The following NRG2 variants were observed in gnomAD, a reference collection of about 807,000 sequenced individuals.
NRG2 encodes pro-neuregulin-2, membrane-bound isoform.
NRG2 carries 27 observed loss-of-function variants against 73.9 expected under a neutral mutation model. That is an observed-to-expected ratio of 0.37 (90% CI 0.27 to 0.50). NRG2 has a LOEUF of 0.50. Among genes scored for constraint, NRG2 ranks in the 20% least tolerant of loss-of-function variants. The pLI is 0.96. For synonymous variants in NRG2, 532 were observed against 541.0 expected (o/e 0.98, Z 0.23); for missense variants, 1,126 against 1,210.1 (o/e 0.93, Z 1.03).
chr5:140,007,539 A>G (rs1759005781), intron 1 of NRG2, among the ~76,000 whole-genome samples: 1 of 152,104 alleles, frequency 6.6e-6, no homozygotes, highest in Non-Finnish European at 1.5e-5. Context: ...AGGCAACACC[A>G]GCTGGACTCA....
intron 1 of NRG2, among the ~76,000 whole-genome samples, chr5:139,890,473 CTTTTT>C (rs11288649): frequency 1.1e-4 from 12 of 106,034 alleles, no homozygotes; most frequent in African/African-American, 2.1e-4. Context: ...TTCTTTCTTT[CTTTTT>C]TTTTTTTTTT....
chr5:140,012,605 G>A (rs1410491744), intron 1 of NRG2, among the ~76,000 whole-genome samples: 1 of 152,030 alleles, frequency 6.6e-6, no homozygotes, highest in Non-Finnish European at 1.5e-5. Flanking sequence ...ACCCTTCCAT[G>A]ATATCAAATG....
At chr5:139,947,817 C>T (rs958939101) in intron 1 of NRG2, among the ~76,000 whole-genome samples, 1 of 152,180 alleles carries the variant, frequency 6.6e-6, no homozygotes, top group African/African-American at 2.4e-5. Context: ...GTTGAACATA[C>T]TTTCACATGC....
In NRG2 at chr5:139,855,728, C is replaced by T. The variant is rs1191460380; in HGVS notation, c.1240G>A (p.Val414Met). 1.5e-5 allele frequency: 24 copies of T among 1,614,138 alleles called. No homozygotes were observed. Among genetic ancestry groups the T allele is most frequent in the South Asian group, 2.2e-5 (2 of 91,082 alleles). Residue 414 changes from valine (V) to methionine (M), a missense_variant, in exon 6 of 10, where the codon GTG (valine) becomes ATG (methionine). Physicochemically the swap from Val to Met is conservative, Grantham distance 21. This residue lies in a region of NRG2 where 539 missense variants were observed against 703.2 expected (regional missense o/e 0.77). Transcript: ENST00000361474. ...KRVLTITGIC[V>M]ALLVVGIVCV... is the part of the protein sequence containing the mutation. Reference sequence around the variant, plus strand: ...ACGATGCCCACGACCAGCAGAGCCACGCAGATGCCCGTGATGGTCAGGACC... The same window carrying T: ...ACGATGCCCACGACCAGCAGAGCCATGCAGATGCCCGTGATGGTCAGGACC...
At chr5:139,886,358 A>G (rs927252536) in intron 2 of NRG2, among the ~76,000 whole-genome samples, 7 of 152,216 alleles carry the variant, frequency 4.6e-5, no homozygotes, top group African/African-American at 1.7e-4. Flanking sequence ...CAGCCTGCCC[A>G]GCCCTGGCCT....
Position 140,042,510 on chromosome 5 carries a change from G to A in NRG2, c.560C>T (p.Pro187Leu), listed in dbSNP as rs749723224. The A allele has an allele frequency of 1.2e-6, 2 of 1,613,574 alleles. No individual in the cohort carries two copies. Among genetic ancestry groups the A allele is most frequent in the Non-Finnish European group, 1.7e-6 (2 of 1,179,864 alleles). Residue 187 changes from proline (P) to leucine (L), a missense_variant, in exon 1 of 10, where the codon CCG becomes CTG. Physicochemically the swap from Pro to Leu is moderately conservative, Grantham distance 98. Coordinates refer to ENST00000361474, the MANE Select transcript of NRG2 (RefSeq NM_004883.3). ...GATGTAGCGCTGGTTCCTTTCGAGCGGCACACAGGAGCCCACGCTGATCAC... is the reference window on the plus strand; with the variant it reads ...GATGTAGCGCTGGTTCCTTTCGAGCAGCACACAGGAGCCCACGCTGATCAC... ...EQVISVGSCV[P>L]LERNQRYIFF...
intron 1 of NRG2, among the ~76,000 whole-genome samples, chr5:140,001,400 A>T (rs1363719243): frequency 1.3e-5 from 2 of 152,200 alleles, no homozygotes; most frequent in Admixed American, 6.5e-5. Context: ...CAATTTGAAA[A>T]TACAGATCAT....
intron 1 of NRG2, among the ~76,000 whole-genome samples, chr5:139,998,600 G>A (rs1049381047): frequency 2.0e-5 from 3 of 152,134 alleles, no homozygotes; most frequent in Non-Finnish European, 4.4e-5. Flanking sequence ...CTCTACTAGT[G>A]ATGTGGAAAG....
chr5:139,968,752 G>T (rs1391546358), intron 1 of NRG2, among the ~76,000 whole-genome samples: 1 of 152,250 alleles, frequency 6.6e-6, no homozygotes, highest in Non-Finnish European at 1.5e-5. Context: ...CCAGGACTCA[G>T]CAAGCCCAGC....
In NRG2 at chr5:140,043,153, A is replaced by G. The variant is rs1762107606; in HGVS notation, c.-84T>C. 1 of 1,486,362 alleles carries G rather than the reference A, an allele frequency of 6.7e-7. No homozygotes were observed. The highest frequency in any genetic ancestry group is 1.4e-5 in the African/African-American group (1 of 70,886). 92.1% of individuals were successfully genotyped at this position (1,486,362 alleles called of 1,614,324 possible). The stretch of plus-strand genomic sequence containing the variant: ...CAGAGCCCGCTGGAAAACCGGAAAC[A>G]GCGTAACGTTAGCGCCTCTTAGCCC... On this transcript the variant is annotated 5_prime_UTR_variant, in exon 1 of 10. Coordinates refer to ENST00000361474, the MANE Select transcript of NRG2 (RefSeq NM_004883.3). This position sits in a 1 kb window ranked among gnomAD's most constrained non-coding sequence, Gnocchi z 6.7.
intron 1 of NRG2, among the ~76,000 whole-genome samples, chr5:139,962,752 T>C (rs1755174897): frequency 6.6e-6 from 1 of 152,196 alleles, no homozygotes; most frequent in Non-Finnish European, 1.5e-5. Context: ...CTTACTCATA[T>C]GCTCAAGGTC....
At chr5:140,037,943 CATTG>C (rs1761635363) in intron 1 of NRG2, among the ~76,000 whole-genome samples, 4 of 128,022 alleles carry the variant, frequency 3.1e-5, no homozygotes, top group African/African-American at 1.4e-4. Flanking sequence ...CTTTGAAAAA[CATTG>C]TGTTTTTAGA....
intron 1 of NRG2, among the ~76,000 whole-genome samples, chr5:139,906,561 C>T (rs890061915): frequency 2.6e-5 from 4 of 152,182 alleles, no homozygotes; most frequent in African/African-American, 4.8e-5. Flanking sequence ...TACCTGATCT[C>T]TGTATTCATT....
At chr5:139,996,299 C>CA (rs1184887722) in intron 1 of NRG2, among the ~76,000 whole-genome samples, 2 of 152,066 alleles carry the variant, frequency 1.3e-5, no homozygotes, top group Non-Finnish European at 2.9e-5. Context: ...TAAACTTCTG[C>CA]AAAAATGATG....
In NRG2 at chr5:139,887,335, C is replaced by T. The variant is rs2127128698; in HGVS notation, c.872+5G>A. 1 of 1,613,988 alleles carries T rather than the reference C, an allele frequency of 6.2e-7. No individual in the cohort carries two copies. The highest frequency in any genetic ancestry group is 2.2e-5 in the East Asian group (1 of 44,896). ...TGGATGGAGGACAGGCTGGATATTGCTTACCTGCCGTTGCCATATTTGATG... is the reference window on the plus strand; with the variant it reads ...TGGATGGAGGACAGGCTGGATATTGTTTACCTGCCGTTGCCATATTTGATG... On this transcript the variant is annotated splice_donor_5th_base_variant and intron_variant, in intron 2 of 9. Coordinates refer to ENST00000361474, the MANE Select transcript of NRG2 (RefSeq NM_004883.3). This position sits in a 1 kb window ranked among gnomAD's most constrained non-coding sequence, Gnocchi z 4.5.
chr5:139,871,283 T>C lies in NRG2; in HGVS notation c.1112+438A>G, dbSNP rs551429964. ...CCTGGCCCTGCCAGGCTCCTCGCTA[T>C]TGGGGAAGATGCAGCCTGGGAAATG... On this transcript the variant is annotated intron_variant, in intron 4 of 9. Transcript: ENST00000361474. 2.1e-3 allele frequency: 360 copies of C among 167,772 alleles called. 3 individuals are homozygous for C. Among genetic ancestry groups the C allele is most frequent in the African/African-American group, 6.1e-3 (254 of 41,888 alleles). 10.4% of individuals were successfully genotyped at this position (167,772 alleles called of 1,614,324 possible). A position where few individuals can be genotyped will look rare whatever the true frequency, so the allele number is the denominator to read the frequency against.
chr5:139,851,810 G>T lies in NRG2; in HGVS notation c.1566C>A (p.Ser522Arg). The T allele has an allele frequency of 6.2e-7, 1 of 1,614,174 alleles. No homozygotes were observed. Among genetic ancestry groups the T allele is most frequent in the Non-Finnish European group, 8.5e-7 (1 of 1,180,022 alleles). ...SSHRHESHTWSLERSESLTSD... is the reference protein window; with the variant it reads ...SSHRHESHTWRLERSESLTSD... ...AAGTCAGGCTCTCAGAACGTTCCAG[G>T]CTCCACGTGTGGCTCTCGTGTCTGG... Residue 522 changes from serine to arginine, a missense_variant, in exon 9 of 10, where the codon AGC becomes AGA. By Grantham distance (110) the Ser-to-Arg change is moderately radical (BLOSUM62 -1). Transcript: ENST00000361474. The surrounding 1 kb of genome is among the most constrained non-coding windows in gnomAD (Gnocchi z 4.2).
chr5:139,993,935 A>G (rs1159838429), intron 1 of NRG2, among the ~76,000 whole-genome samples: 1 of 152,178 alleles, frequency 6.6e-6, no homozygotes, highest in Admixed American at 6.6e-5. Context: ...ACTGGTATTT[A>G]TGTTATTTTG....
chr5:140,017,096 C>A (rs1438395215), intron 1 of NRG2, among the ~76,000 whole-genome samples: 3 of 152,148 alleles, frequency 2.0e-5, no homozygotes, highest in Non-Finnish European at 2.9e-5. Context: ...GAAGCAAATA[C>A]AGTAAAACAG....
Sources: gnomAD v4.1 joint callset for allele counts (sites outside exome capture counted in the v4.1 genomes callset) on GRCh38, gnomAD v4.1.1 for gene constraint, gnomAD v4.1.1 regional missense constraint, Gnocchi (gnomAD v3.1) non-coding constraint, MANE v1.5 for transcripts, NCBI Gene and HGNC (gene_info 2026-07-23, HGNC 2026-07-21) for gene names.